The following SLC25A46 variants were observed in gnomAD, a reference collection of about 807,000 sequenced individuals.
The protein encoded by SLC25A46 is solute carrier family 25 member 46.
A neutral mutation model predicts 44.6 loss-of-function variants in SLC25A46; 39 were observed. The ratio of observed to expected loss-of-function variants is 0.87; its 90% CI spans 0.68 to 1.14. The LOEUF (loss-of-function observed/expected upper bound fraction) is 1.14, where lower values mean the gene tolerates loss of function less well. Ranked by LOEUF, SLC25A46 falls within the 50% of genes most tolerant of loss-of-function variation. SLC25A46 has a pLI of 0.00. For missense variants in SLC25A46, 547 were observed against 522.7 expected, an observed-to-expected ratio of 1.05 and a Z score of -0.45; for synonymous variants, 202 against 185.8, an observed-to-expected ratio of 1.09 and a Z score of -0.71.
chr5:110,759,404 T>C (rs964835270), intron 7 of SLC25A46, among the ~76,000 whole-genome samples: 1 of 152,146 alleles, frequency 6.6e-6, no homozygotes, highest in African/African-American at 2.4e-5. Context: ...CTGTGTCATG[T>C]GTGTTGTATC....
chr5:110,749,540 A>C (rs1054896439), intron 5 of SLC25A46, among the ~76,000 whole-genome samples: 3 of 151,766 alleles, frequency 2.0e-5, no homozygotes, highest in Admixed American at 6.6e-5. Flanking sequence ...GGAGATAATG[A>C]GAGAAATTAG....
upstream of SLC25A46, among the ~76,000 whole-genome samples, chr5:110,738,458 C>T (rs117918973): frequency 6.6e-6 from 1 of 152,148 alleles, no homozygotes; most frequent in Non-Finnish European, 1.5e-5. Flanking sequence ...GGGTTTCTTT[C>T]ACCCCCGACG....
At chr5:110,741,941 G>A (rs1238333787) in intron 1 of SLC25A46, 106 bp from the exon 2 acceptor site, 2 of 750,916 alleles carry the variant, frequency 2.7e-6, no homozygotes, top group South Asian at 1.7e-5. Context: ...ATGAACAGCA[G>A]GTTAATAAAA....
At position 110,739,403 on chromosome 5, in the gene SLC25A46, G is replaced by A; in HGVS notation, c.283+1G>A. 6.5e-7 allele frequency: 1 copy of A among 1,541,122 alleles called. No homozygotes were observed. The highest frequency in any genetic ancestry group is 8.7e-7 in the Non-Finnish European group (1 of 1,148,580). ...GGCAGTGTGCAGGGGCAGAGCAGTG[G>A]TGAGAAGCATGGGGACCGACACAGG... On this transcript the variant is annotated splice_donor_variant, in intron 1 of 7. Transcript: ENST00000355943. LOFTEE classifies it high-confidence loss of function.
rs2150419810 is a variant in SLC25A46, at chr5:110,762,208, A to ACAAT, written c.*429_*432dup. On this transcript the variant is annotated 3_prime_UTR_variant, in exon 8 of 8. Transcript: ENST00000355943. ...AGTGTAGTATATTAATGTCCTTAAT[A>ACAAT]CAATCAGGAGGTTTTTACCTTTAAG... is the stretch of plus-strand genomic sequence containing the variant. 1 of 155,852 alleles carries ACAAT rather than the reference A, an allele frequency of 6.4e-6. No individual in the cohort carries two copies. Among genetic ancestry groups the ACAAT allele is most frequent in the South Asian group, 1.9e-4 (1 of 5,218 alleles). The allele number at this position is 155,852 out of a possible 1,614,324, so 9.7% of individuals were successfully genotyped here.
chr5:110,752,941 G>T (rs534121430), intron 5 of SLC25A46, among the ~76,000 whole-genome samples: 1 of 152,132 alleles, frequency 6.6e-6, no homozygotes, highest in Non-Finnish European at 1.5e-5. Flanking sequence ...CCAAGGGGTG[G>T]CTGGGTTAAG....
At chr5:110,745,277 G>A (rs923415737) in intron 3 of SLC25A46, among the ~76,000 whole-genome samples, 1 of 151,776 alleles carries the variant, frequency 6.6e-6, no homozygotes, top group Admixed American at 6.6e-5. Flanking sequence ...TGTTTGAGAC[G>A]GAGTCTCGCT....
At chr5:110,738,898 A>T (rs1301780666), upstream of SLC25A46, 1 of 1,217,214 alleles carries the variant, frequency 8.2e-7, no homozygotes, top group Admixed American at 3.0e-5. Flanking sequence ...TTTAAGGTCC[A>T]GGTTACCGCC....
chr5:110,746,684 G>A (rs1252888405), intron 4 of SLC25A46, among the ~76,000 whole-genome samples: 2 of 152,186 alleles, frequency 1.3e-5, no homozygotes, highest in Non-Finnish European at 2.9e-5. Context: ...ATACAAAAGA[G>A]AAGTACCTTA....
chr5:110,748,300 G>T, intron 5 of SLC25A46, 37 bp downstream of exon 5: 1 of 1,540,368 alleles, frequency 6.5e-7, no homozygotes, highest in Non-Finnish European at 9.0e-7. Flanking sequence ...TTAGTTTCAT[G>T]TGGTGATGTG....
intron 5 of SLC25A46, chr5:110,754,387 C>A (rs1580865209): frequency 7.5e-6 from 1 of 132,554 alleles, no homozygotes; most frequent in Admixed American, 7.5e-5. Flanking sequence ...TATTTACTTT[C>A]TTTTTTTTTC....
intron 7 of SLC25A46, among the ~76,000 whole-genome samples, chr5:110,759,529 G>T (rs912016870): frequency 1.3e-5 from 2 of 152,136 alleles, no homozygotes; most frequent in East Asian, 3.9e-4. Context: ...TCTCAAGTGG[G>T]ACTGTGTCAT....
chr5:110,738,862 C>T, upstream of SLC25A46: 3 of 771,444 alleles, frequency 3.9e-6, no homozygotes, highest in Non-Finnish European at 6.0e-6. Flanking sequence ...ACCATATTCC[C>T]ACCTATTCCC....
rs1188727044 is a variant in SLC25A46 at position 110,761,956 on chromosome 5, T to C, written c.*174T>C. On this transcript the variant is annotated 3_prime_UTR_variant, in exon 8 of 8. Transcript: ENST00000355943. The surrounding 1 kb of genome is among the most constrained non-coding windows in gnomAD (Gnocchi z 5.3). ...TTTTTTAAGGCATAGGTATATATTT[T>C]GGATCAAAATCCTTCCAAATTTGAA... The C allele has an allele frequency of 3.6e-6, 2 of 554,634 alleles. No individual in the cohort carries two copies. Among genetic ancestry groups the C allele is most frequent in the East Asian group, 6.0e-5 (2 of 33,424 alleles). The allele number at this position is 554,634 out of a possible 1,614,324, so 34.4% of individuals were successfully genotyped here.
At chr5:110,743,676 AAATTT>A (rs1292251266) in intron 2 of SLC25A46, 49 bp from the exon 3 acceptor site, 7 of 1,027,588 alleles carry the variant, frequency 6.8e-6, no homozygotes, top group East Asian at 3.0e-5. Flanking sequence ...TACCTGTTGT[AAATTT>A]AATTTATCTC....
chr5:110,761,505 C>T lies in SLC25A46; in HGVS notation c.980C>T (p.Ser327Phe). The change falls in exon 8 of 8, where the codon TCT becomes TTT. Residue 327 changes from serine to phenylalanine, a missense_variant. Physicochemically the swap from Ser to Phe is radical, Grantham distance 155. Transcript: ENST00000355943. The surrounding 1 kb of genome is among the most constrained non-coding windows in gnomAD (Gnocchi z 5.3). ...GCTAACTTTGCTGCCAGTCTTTGTT[C>T]TGACGTTATACTTTACCCATTGGAA... ...LIANFAASLC[S>F]DVILYPLETV... The T allele has an allele frequency of 6.2e-7, 1 of 1,613,818 alleles. No individual in the cohort carries two copies. The highest frequency in any genetic ancestry group is 8.5e-7 in the Non-Finnish European group (1 of 1,179,818).
chr5:110,741,565 C>A (rs975635314), intron 1 of SLC25A46: 1 of 152,464 alleles, frequency 6.6e-6, no homozygotes, highest in African/African-American at 2.4e-5. Context: ...GGTGGAATAT[C>A]AGCTGCGGCC....
intron 4 of SLC25A46, 21 bp from the exon 5 acceptor site, chr5:110,748,142 C>T (rs894502918): frequency 1.3e-6 from 2 of 1,554,952 alleles, no homozygotes; most frequent in Non-Finnish European, 1.8e-6. Context: ...ACAGAAATAA[C>T]ATGAATTTTG....
At position 110,764,800 on chromosome 5, in the gene SLC25A46, T is replaced by G. The variant is rs1266615709; in HGVS notation, c.*3018T>G. The G allele has an allele frequency of 6.6e-6, 1 of 152,010 alleles. No homozygotes were observed. The highest frequency in any genetic ancestry group is 1.5e-5 in the Non-Finnish European group (1 of 67,948). 9.4% of individuals were successfully genotyped at this position (152,010 alleles called of 1,614,324 possible). ...AATAAGATAGCCAGGTTTGAATTAT[T>G]TGCAAAATTTATATAAGCAAATAAG... is the stretch of plus-strand genomic sequence containing the variant. On this transcript the variant is annotated 3_prime_UTR_variant, in exon 8 of 8. Coordinates refer to ENST00000355943, the MANE Select transcript of SLC25A46 (RefSeq NM_138773.4).
Sources: gnomAD v4.1 joint callset for allele counts (sites outside exome capture counted in the v4.1 genomes callset) on GRCh38, gnomAD v4.1.1 for gene constraint, Gnocchi (gnomAD v3.1) non-coding constraint, MANE v1.5 for transcripts, NCBI Gene and HGNC (gene_info 2026-07-23, HGNC 2026-07-21) for gene names.